The following WDR70 variants were observed in gnomAD, a reference collection of about 807,000 sequenced individuals.
WDR70 encodes WD repeat domain 70.
A neutral mutation model predicts 88.6 loss-of-function variants in WDR70; 53 were observed. The ratio of observed to expected loss-of-function variants is 0.60; its 90% CI spans 0.48 to 0.75. The LOEUF (loss-of-function observed/expected upper bound fraction) is 0.75. Among genes scored for constraint, WDR70 ranks in the 30% least tolerant of loss-of-function variants. WDR70 has a pLI of 0.00. For missense variants in WDR70, 610 were observed against 823.2 expected (o/e 0.74, Z 3.17); for synonymous variants, 280 against 270.0 (o/e 1.04, Z -0.36).
chr5:37,602,636 A>T (rs1561918937), intron 9 of WDR70, among the ~76,000 whole-genome samples: 1 of 148,302 alleles, frequency 6.7e-6, no homozygotes, highest in Middle Eastern at 3.6e-3. Context: ...AAAAAAAAAG[A>T]AAAAAAAAAG....
At chr5:37,747,151 C>T (rs1237359596) in intron 17 of WDR70, among the ~76,000 whole-genome samples, 1 of 152,040 alleles carries the variant, frequency 6.6e-6, no homozygotes, top group Non-Finnish European at 1.5e-5. Flanking sequence ...ATCACATAAA[C>T]AGATCCAAAG....
chr5:37,577,976 T>C (rs1242873639), intron 9 of WDR70, among the ~76,000 whole-genome samples: 2 of 152,150 alleles, frequency 1.3e-5, no homozygotes, highest in Non-Finnish European at 2.9e-5. Context: ...GAACACAAAC[T>C]AGCTTTTTAA....
chr5:37,473,254 G>T (rs1389232519), intron 7 of WDR70, among the ~76,000 whole-genome samples: 2 of 148,624 alleles, frequency 1.3e-5, no homozygotes, highest in African/African-American at 5.0e-5. Flanking sequence ...TTAAATCAGT[G>T]TATTTTAGGA....
intron 17 of WDR70, among the ~76,000 whole-genome samples, chr5:37,745,392 C>G (rs893663560): frequency 1.1e-4 from 16 of 151,080 alleles, no homozygotes; most frequent in Non-Finnish European, 1.9e-4. Flanking sequence ...CAAATAGCAT[C>G]ATGACAACAG....
chr5:37,539,363 A>G (rs934983011), intron 9 of WDR70, among the ~76,000 whole-genome samples: 7 of 152,166 alleles, frequency 4.6e-5, no homozygotes, highest in Non-Finnish European at 1.0e-4. Flanking sequence ...CCCTAATCCA[A>G]TATGACTGGT....
chr5:37,560,650 G>A (rs1581393779), intron 9 of WDR70, among the ~76,000 whole-genome samples: 1 of 151,996 alleles, frequency 6.6e-6, no homozygotes, highest in African/African-American at 2.4e-5. Flanking sequence ...TATCTAATAT[G>A]CTTCAATAGT....
chr5:37,473,253 T>C (rs1293510044), intron 7 of WDR70, among the ~76,000 whole-genome samples: 1 of 151,828 alleles, frequency 6.6e-6, no homozygotes, highest in Admixed American at 6.6e-5. Context: ...TTTAAATCAG[T>C]GTATTTTAGG....
intron 7 of WDR70, among the ~76,000 whole-genome samples, chr5:37,446,857 T>C (rs1581286259): frequency 6.6e-6 from 1 of 152,234 alleles, no homozygotes; most frequent in East Asian, 1.9e-4. Flanking sequence ...ACCTAAGCAA[T>C]ACCATTCAGG....
At chr5:37,418,327 C>T (rs1271658200) in intron 5 of WDR70, among the ~76,000 whole-genome samples, 1 of 151,814 alleles carries the variant, frequency 6.6e-6, no homozygotes, top group Non-Finnish European at 1.5e-5. Flanking sequence ...ATTTGAATCT[C>T]CTGTTTTTTT....
intron 9 of WDR70, among the ~76,000 whole-genome samples, chr5:37,522,930 G>C (rs1031883309): frequency 2.6e-5 from 4 of 152,222 alleles, no homozygotes; most frequent in Non-Finnish European, 5.9e-5. Flanking sequence ...GCGAGGCTGG[G>C]GAAGGGGCAC....
chr5:37,685,723 G>A (rs4869543), intron 10 of WDR70, among the ~76,000 whole-genome samples: 38,078 of 152,032 alleles, frequency 0.25, 5,328 homozygotes, highest in Admixed American at 0.38. Flanking sequence ...CTACTTTTCT[G>A]AGCAGCTCTC....
At chr5:37,634,075 G>C (rs536430993) in intron 10 of WDR70, among the ~76,000 whole-genome samples, 1 of 151,856 alleles carries the variant, frequency 6.6e-6, no homozygotes, top group Non-Finnish European at 1.5e-5. Flanking sequence ...CTTGGTGAGC[G>C]CATCACGAGG....
intron 10 of WDR70, among the ~76,000 whole-genome samples, chr5:37,624,349 A>G (rs7710547): frequency 6.6e-6 from 1 of 151,968 alleles, no homozygotes; most frequent in Non-Finnish European, 1.5e-5. Context: ...ACTTCAATCC[A>G]TGTTACTGTG....
intron 5 of WDR70, among the ~76,000 whole-genome samples, chr5:37,427,275 G>C (rs1750156810): frequency 6.6e-6 from 1 of 152,022 alleles, no homozygotes; most frequent in Admixed American, 6.5e-5. Context: ...TGTAATCCTA[G>C]CTACTCAGGA....
intron 8 of WDR70, among the ~76,000 whole-genome samples, chr5:37,482,643 C>T (rs570935352): frequency 1.6e-3 from 249 of 152,268 alleles, no homozygotes; most frequent in African/African-American, 5.8e-3. Flanking sequence ...GTTTTGACTT[C>T]TTGCTTGATT....
At chr5:37,702,842 C>T (rs1424572506) in intron 12 of WDR70, 107 bp from the exon 13 acceptor site, 3 of 1,121,504 alleles carry the variant, frequency 2.7e-6, no homozygotes, top group South Asian at 2.0e-5. Flanking sequence ...ACTCATAAGC[C>T]CTATATAGGA....
intron 9 of WDR70, among the ~76,000 whole-genome samples, chr5:37,528,985 A>C (rs1295701294): frequency 7.5e-6 from 1 of 133,036 alleles, no homozygotes; most frequent in African/African-American, 2.7e-5. Context: ...GATCATTTTG[A>C]GTTGATTTTT....
At chr5:37,410,579 C>G (rs1749494270) in intron 5 of WDR70, among the ~76,000 whole-genome samples, 1 of 152,038 alleles carries the variant, frequency 6.6e-6, no homozygotes, top group South Asian at 2.1e-4. Context: ...CTTTTCCAAT[C>G]ATATATTAAG....
At chr5:37,557,901 ATACTCTTTTGAAAACTCTTCAAAAGAG>A (rs1183020797) in intron 9 of WDR70, among the ~76,000 whole-genome samples, 1,739 of 30,170 alleles carry the variant, frequency 0.058, no homozygotes, top group Non-Finnish European at 0.075. Context: ...CTTCAGATTT[ATACTCTTTTGAAAACTCTTCAAAAGAG>A]TACTCTTTTG....
Sources: gnomAD v4.1 joint callset for allele counts (sites outside exome capture counted in the v4.1 genomes callset) on GRCh38, gnomAD v4.1.1 for gene constraint, MANE v1.5 for transcripts, NCBI Gene and HGNC (gene_info 2026-07-23, HGNC 2026-07-21) for gene names.